The following IFFO1 variants were observed in gnomAD, a reference collection of about 807,000 sequenced individuals.
IFFO1 encodes the protein non-homologous end joining factor IFFO1.
A neutral mutation model predicts 59.6 loss-of-function variants in IFFO1; 42 were observed. The ratio of observed to expected loss-of-function variants is 0.70; its 90% confidence interval spans 0.55 to 0.91. The LOEUF (loss-of-function observed/expected upper bound fraction) is 0.91, where lower values mean the gene tolerates loss of function less well. IFFO1 is among the 40% of genes least tolerant of loss of function. The probability of loss-of-function intolerance (pLI) is 0.00; values close to 1 mark genes in which losing one functional copy is unlikely to be tolerated. For missense variants in IFFO1, 711 were observed against 793.2 expected, an observed-to-expected ratio of 0.90 and a Z score of 1.24; for synonymous variants, 336 against 342.8, an observed-to-expected ratio of 0.98 and a Z score of 0.22.
Position 6,549,101 on chromosome 12 carries a change from A to G in IFFO1, c.1081-252T>C. 2 of 569,002 alleles carry G rather than the reference A, an allele frequency of 3.5e-6. No homozygotes were observed. The highest frequency in any genetic ancestry group is 6.2e-6 in the Non-Finnish European group (2 of 322,160). 35.2% of individuals were successfully genotyped at this position (569,002 alleles called of 1,614,324 possible). A position where few individuals can be genotyped will look rare whatever the true frequency, so the allele number is the denominator to read the frequency against. ...AGAAGAGCAGTCAGACAAGGAAGGA[A>G]GGGCTCGCTGGGGCTGCAGTCAGAT... On this transcript the variant is annotated intron_variant, in intron 5 of 9. Transcript: ENST00000619571. This position sits in a 1 kb window ranked among gnomAD's most constrained non-coding sequence, Gnocchi z 5.0.
At position 6,548,817 on chromosome 12, in the gene IFFO1, G is replaced by A; in HGVS notation, c.1113C>T (p.Ser371=). ...TGCGCTCCCGCTTCCGCCCCCCCAT[G>A]GATGGGACCTTAATGGGAGACAAGT... ...SLHLSPIKVP[S]MGGRKRERKA... is the part of the protein sequence containing the mutation. Residue 371 remains serine (S), a synonymous_variant, in exon 6 of 10, where the codon TCC becomes TCT. Coordinates refer to ENST00000619571, the MANE Select transcript of IFFO1 (RefSeq NM_001193457.2). This position sits in a 1 kb window ranked among gnomAD's most constrained non-coding sequence, Gnocchi z 6.1. 1 of 1,612,964 alleles carries A rather than the reference G, an allele frequency of 6.2e-7. No individual in the cohort carries two copies. Among genetic ancestry groups the A allele is most frequent in the South Asian group, 1.1e-5 (1 of 90,936 alleles).
At chr12:6,551,385 C>T (rs1947225618) in intron 1 of IFFO1, 1 of 1,301,944 alleles carries the variant, frequency 7.7e-7, no homozygotes, top group Middle Eastern at 2.3e-4. Flanking sequence ...GTCCACCCGG[C>T]CCAGTCTCCC....
chr12:6,545,511 C>G lies in IFFO1; in HGVS notation c.1479+2554G>C, dbSNP rs373552965. Among the ~76,000 whole-genome samples, 294 of 151,972 alleles carry G rather than the reference C, an allele frequency of 1.9e-3. 1 individual carries two copies. Among genetic ancestry groups the G allele is most frequent in the African/African-American group, 6.8e-3 (280 of 41,458 alleles). On this transcript the variant is annotated intron_variant, in intron 8 of 9. Transcript: ENST00000619571. ...GAGATCGAGATCATCCTGGCTAACA[C>G]GGTGAAACCCCATCTCTACTAAAAA...
intron 8 of IFFO1, among the ~76,000 whole-genome samples, chr12:6,546,243 G>T (rs1012328463): frequency 6.6e-6 from 1 of 152,208 alleles, no homozygotes; most frequent in African/African-American, 2.4e-5. Flanking sequence ...TGCTATCTTT[G>T]GTTTCAGGCA....
At chr12:6,550,052 G>T in intron 3 of IFFO1, 156 bp from the exon 4 acceptor site, 1 of 784,500 alleles carries the variant, frequency 1.3e-6, no homozygotes, top group Admixed American at 2.8e-5. Flanking sequence ...CCTGGGTAGC[G>T]GTGGCCTCCC....
rs757458002 is a variant in IFFO1, at chr12:6,548,999, G to A, written c.1081-150C>T. The A allele has an allele frequency of 7.3e-5, 50 of 680,962 alleles. No individual in the cohort carries two copies. Among genetic ancestry groups the A allele is most frequent in the African/African-American group, 1.1e-4 (6 of 55,410 alleles). The allele number at this position is 680,962 out of a possible 1,614,324, so 42.2% of individuals were successfully genotyped here. ...GTTACAATGACAGGAACAGAAACACGGACAGTCACCAAGGGCCAGACACAC... is the reference window on the plus strand; with the variant it reads ...GTTACAATGACAGGAACAGAAACACAGACAGTCACCAAGGGCCAGACACAC... On this transcript the variant is annotated intron_variant, in intron 5 of 9. Transcript: ENST00000619571. The surrounding 1 kb of genome is among the most constrained non-coding windows in gnomAD (Gnocchi z 6.1).
At chr12:6,547,286 G>A (rs376589772) in intron 8 of IFFO1, among the ~76,000 whole-genome samples, 2 of 152,052 alleles carry the variant, frequency 1.3e-5, no homozygotes, top group African/African-American at 4.8e-5. Context: ...GGTAGCACAC[G>A]CCTGTGGTCC....
Position 6,540,451 on chromosome 12 carries a change from G to A in IFFO1, c.*32C>T, listed in dbSNP as rs200124228. ...TCTGCCTCGCTGAGCTCCCTGCTGC[G>A]AGGGCCTCGGGTGCAAGGGGGAGGC... On this transcript the variant is annotated 3_prime_UTR_variant, in exon 10 of 10. Transcript: ENST00000619571. 2.7e-4 allele frequency: 411 copies of A among 1,548,748 alleles called. No individual in the cohort carries two copies. In the African/African-American group the frequency reaches 4.9e-3, roughly 18 times the overall value.
chr12:6,539,356 CAGG>C (rs1368407945), downstream of IFFO1: 1 of 152,022 alleles, frequency 6.6e-6, no homozygotes, highest in Non-Finnish European at 1.5e-5. Flanking sequence ...CATGCTGAAG[CAGG>C]AGAATCGCTT....
Position 6,549,102 on chromosome 12 carries a change from G to A in IFFO1, c.1081-253C>T, listed in dbSNP as rs1458100421. ...GAAGAGCAGTCAGACAAGGAAGGAAGGGCTCGCTGGGGCTGCAGTCAGATG... is the reference window on the plus strand; with the variant it reads ...GAAGAGCAGTCAGACAAGGAAGGAAAGGCTCGCTGGGGCTGCAGTCAGATG... On this transcript the variant is annotated intron_variant, in intron 5 of 9. Transcript: ENST00000619571. This position sits in a 1 kb window ranked among gnomAD's most constrained non-coding sequence, Gnocchi z 5.0. 1 of 565,864 alleles carries A rather than the reference G, an allele frequency of 1.8e-6. No homozygotes were observed. Among genetic ancestry groups the A allele is most frequent in the African/African-American group, 1.9e-5 (1 of 52,892 alleles). 35.1% of individuals were successfully genotyped at this position (565,864 alleles called of 1,614,324 possible).
chr12:6,555,656 G>T lies in IFFO1; in HGVS notation c.374C>A (p.Ala125Glu). 1 of 1,599,632 alleles carries T rather than the reference G, an allele frequency of 6.3e-7. No individual in the cohort carries two copies. Among genetic ancestry groups the T allele is most frequent in the South Asian group, 1.1e-5 (1 of 89,930 alleles). Residue 125 changes from alanine to glutamate, a missense_variant, in exon 1 of 10, where the codon GCA becomes GAA. Ala to Glu is a moderately radical substitution (Grantham distance 107). Transcript: ENST00000619571. This position sits in a 1 kb window ranked among gnomAD's most constrained non-coding sequence, Gnocchi z 8.6. The part of the protein sequence containing the change: ...GRRGLGRRDQ[A>E]VQTGFVSPIR... ...GGGGCTGACGAAGCCGGTCTGCACT[G>T]CCTGGTCGCGACGACCCAGGCCCCG...
chr12:6,548,225 G>GGTT lies in IFFO1; in HGVS notation c.1384-66_1384-65insAAC. The stretch of plus-strand genomic sequence containing the variant: ...GGATGGGATGGGACGCATTCCAAAG[G>GGTT]GCCAAGTCAGGGAGAGAGAGAGAGA... On this transcript the variant is annotated intron_variant, in intron 7 of 9. Coordinates refer to ENST00000619571, the MANE Select transcript of IFFO1 (RefSeq NM_001193457.2). This position sits in a 1 kb window ranked among gnomAD's most constrained non-coding sequence, Gnocchi z 6.1. 2 of 1,416,062 alleles carry GGTT rather than the reference G, an allele frequency of 1.4e-6. No individual in the cohort carries two copies. Among genetic ancestry groups the GGTT allele is most frequent in the South Asian group, 2.3e-5 (2 of 87,086 alleles). 87.7% of individuals were successfully genotyped at this position (1,416,062 alleles called of 1,614,324 possible). A position where few individuals can be genotyped will look rare whatever the true frequency, so the allele number is the denominator to read the frequency against.
chr12:6,548,457 A>T lies in IFFO1; in HGVS notation c.1351T>A (p.Tyr451Asn). The change falls in exon 7 of 10, where the codon TAT becomes AAT. Residue 451 changes from tyrosine (Y) to asparagine (N), a missense_variant. Tyr to Asn is a moderately radical substitution (Grantham distance 143). Coordinates refer to ENST00000619571, the MANE Select transcript of IFFO1 (RefSeq NM_001193457.2). This position sits in a 1 kb window ranked among gnomAD's most constrained non-coding sequence, Gnocchi z 6.1. ...TGGGCCTCTGCAGCTGCCATGGCAT[A>T]GCCTGAGAAATCCTCCCAAAGCAGC... is the stretch of plus-strand genomic sequence containing the variant. ...TLLLWEDFSGYAMAAAEAQGE... is the reference protein window; with the variant it reads ...TLLLWEDFSGNAMAAAEAQGE... 6.2e-7 allele frequency: 1 copy of T among 1,613,860 alleles called. No individual in the cohort carries two copies.
chr12:6,548,781 G>C lies in IFFO1; in HGVS notation c.1149C>G (p.Val383=), dbSNP rs764262849. Residue 383 remains valine (V), a synonymous_variant, in exon 6 of 10, where the codon GTC becomes GTG. Coordinates refer to ENST00000619571, the MANE Select transcript of IFFO1 (RefSeq NM_001193457.2). This position sits in a 1 kb window ranked among gnomAD's most constrained non-coding sequence, Gnocchi z 6.1. ...TCTCCGACAGGGAGGTGTCCTCCTC[G>C]ACGGCAGCCTTGCGCTCCCGCTTCC... ...GGRKRERKAA[V]EEDTSLSESE... 13 of 1,613,794 alleles carry C rather than the reference G, an allele frequency of 8.1e-6. No individual in the cohort carries two copies. Among genetic ancestry groups the C allele is most frequent in the Middle Eastern group, 1.6e-4 (1 of 6,084 alleles).
intron 8 of IFFO1, among the ~76,000 whole-genome samples, chr12:6,546,161 G>A (rs1461655458): frequency 6.6e-6 from 1 of 152,248 alleles, no homozygotes; most frequent in Non-Finnish European, 1.5e-5. Flanking sequence ...GGCATTGAAT[G>A]TGTGGGTGGG....
At chr12:6,547,913 G>C (rs1947040092) in intron 8 of IFFO1, 152 bp downstream of exon 8, 1 of 677,482 alleles carries the variant, frequency 1.5e-6, no homozygotes, top group Admixed American at 2.3e-5. Flanking sequence ...GAGGTCTTCA[G>C]AGCCCACCAG....
rs1946693168 is a variant in IFFO1, at chr12:6,541,134, T to C, written c.1610+378A>G. Reference sequence around the variant, plus strand: ...ATGTCTATCTGCAGTATTTTTGTGATTTTTAAAAATTCACTTTCTTGTTGC... The same window carrying C: ...ATGTCTATCTGCAGTATTTTTGTGACTTTTAAAAATTCACTTTCTTGTTGC... On this transcript the variant is annotated intron_variant, in intron 9 of 9. Transcript: ENST00000619571. This position sits in a 1 kb window ranked among gnomAD's most constrained non-coding sequence, Gnocchi z 4.8. Among the ~76,000 whole-genome samples, 1 of 152,188 alleles carries C rather than the reference T, an allele frequency of 6.6e-6. No homozygotes were observed. The highest frequency in any genetic ancestry group is 2.1e-4 in the South Asian group (1 of 4,834).
chr12:6,548,335 G>C lies in IFFO1; in HGVS notation c.1383+90C>G, dbSNP rs1037450648. On this transcript the variant is annotated intron_variant, in intron 7 of 9. Transcript: ENST00000619571. This position sits in a 1 kb window ranked among gnomAD's most constrained non-coding sequence, Gnocchi z 6.1. ...CGCAGGTAGAGGATGACAGCCACATGGGGGGACAGAGCAAGGAGAGGAGCG... is the reference window on the plus strand; with the variant it reads ...CGCAGGTAGAGGATGACAGCCACATCGGGGGACAGAGCAAGGAGAGGAGCG... The C allele has an allele frequency of 1.4e-6, 2 of 1,470,172 alleles. No individual in the cohort carries two copies. The highest frequency in any genetic ancestry group is 9.3e-7 in the Non-Finnish European group (1 of 1,070,326). The allele number at this position is 1,470,172 out of a possible 1,614,324, so 91.1% of individuals were successfully genotyped here.
rs199954160 is a variant in IFFO1 at position 6,549,780 on chromosome 12, G to C, written c.1047C>G (p.Cys349Trp). 2 of 1,613,844 alleles carry C rather than the reference G, an allele frequency of 1.2e-6. No individual in the cohort carries two copies. The highest frequency in any genetic ancestry group is 1.3e-5 in the African/African-American group (1 of 74,928). ...CCTGGAACATCTGGATCATGTCCTC[G>C]CAGTTGCGCTGCTGAGCCACATCGC... ...KLCDVAQQRN[C>W]EDMIQMFQKK... The change falls in exon 4 of 10, where the codon TGC becomes TGG. Residue 349 changes from cysteine to tryptophan, a missense_variant. By Grantham distance (215) the Cys-to-Trp change is radical (BLOSUM62 -2). This residue lies in a region of IFFO1 where 579 missense variants were observed against 650.3 expected (regional missense o/e 0.89). Transcript: ENST00000619571. This position sits in a 1 kb window ranked among gnomAD's most constrained non-coding sequence, Gnocchi z 5.0.
Sources: gnomAD v4.1 joint callset for allele counts (sites outside exome capture counted in the v4.1 genomes callset) on GRCh38, gnomAD v4.1.1 for gene constraint, gnomAD v4.1.1 regional missense constraint, Gnocchi (gnomAD v3.1) non-coding constraint, MANE v1.5 for transcripts, NCBI Gene and HGNC (gene_info 2026-07-23, HGNC 2026-07-21) for gene names.